The following SPIDR variants were observed in gnomAD, a reference collection of about 807,000 sequenced individuals.
SPIDR encodes the protein DNA repair-scaffolding protein.
In SPIDR, 93 loss-of-function variants were observed where a neutral mutation model predicts 104.6. That is an observed-to-expected ratio of 0.89 (90% CI 0.75 to 1.06). The LOEUF is 1.06. SPIDR is among the 50% of genes least tolerant of loss of function. The pLI, the probability that SPIDR is intolerant of heterozygous loss-of-function variation, is 0.00. For synonymous variants in SPIDR, 431 were observed against 416.9 expected, an observed-to-expected ratio of 1.03 and a Z score of -0.41; for missense variants, 1,154 against 1,111.2, an observed-to-expected ratio of 1.04 and a Z score of -0.55.
At chr8:47,512,042 G>A (rs1206005518) in intron 8 of SPIDR, 2 of 699,628 alleles carry the variant, frequency 2.9e-6, no homozygotes, top group East Asian at 5.4e-5. Flanking sequence ...AGCGCAATCT[G>A]CAAGTCCCAG....
chr8:47,313,537 C>T (rs201953964), intron 5 of SPIDR, among the ~76,000 whole-genome samples: 17 of 152,240 alleles, frequency 1.1e-4, no homozygotes, highest in East Asian at 5.8e-4. Context: ...ACCAATGACT[C>T]TCTTCACAGA....
At chr8:47,511,829 T>C (rs1262353672) in intron 8 of SPIDR, 2 of 909,658 alleles carry the variant, frequency 2.2e-6, no homozygotes, top group Non-Finnish European at 3.7e-6. Flanking sequence ...GGGCCAACAA[T>C]CTGCTGTCCA....
chr8:47,689,677 C>G (rs2078346788), intron 11 of SPIDR, among the ~76,000 whole-genome samples: 1 of 152,130 alleles, frequency 6.6e-6, no homozygotes, highest in Admixed American at 6.5e-5. Flanking sequence ...AGAACAGAGT[C>G]CACACCAGAT....
intron 8 of SPIDR, among the ~76,000 whole-genome samples, chr8:47,590,366 T>C (rs370797679): frequency 6.6e-6 from 1 of 152,152 alleles, no homozygotes; most frequent in East Asian, 1.9e-4. Flanking sequence ...ATAGGTTAAA[T>C]TTGTATTTTC....
At chr8:47,638,523 G>A (rs141010641) in intron 10 of SPIDR, among the ~76,000 whole-genome samples, 24 of 152,276 alleles carry the variant, frequency 1.6e-4, no homozygotes, top group Middle Eastern at 6.8e-3. Context: ...ATGAATGCTC[G>A]GTTGTGGAAT....
chr8:47,494,162 A>C (rs2079111174), intron 8 of SPIDR, among the ~76,000 whole-genome samples: 1 of 149,830 alleles, frequency 6.7e-6, no homozygotes, highest in Admixed American at 6.6e-5. Context: ...CTAGTTTTTA[A>C]ATTTTTCATG....
intron 10 of SPIDR, among the ~76,000 whole-genome samples, chr8:47,649,843 T>TA (rs1219782821): frequency 6.6e-6 from 1 of 151,892 alleles, no homozygotes; most frequent in Non-Finnish European, 1.5e-5. Flanking sequence ...ATTAACAAAA[T>TA]AAAAAAACAA....
At chr8:47,350,335 A>G (rs1554621558) in intron 5 of SPIDR, among the ~76,000 whole-genome samples, 1 of 152,182 alleles carries the variant, frequency 6.6e-6, no homozygotes, top group Non-Finnish European at 1.5e-5. Flanking sequence ...TAAATAAAAG[A>G]TAGAGTCTCG....
At chr8:47,433,584 A>G (rs2154340443) in intron 7 of SPIDR, among the ~76,000 whole-genome samples, 1 of 152,344 alleles carries the variant, frequency 6.6e-6, no homozygotes, top group South Asian at 2.1e-4. Context: ...GGGCCGCCAG[A>G]ATGATAGTCC....
chr8:47,455,473 GTAAGGCATAAGAAAAAAGTGTA>G (rs1196704744), intron 8 of SPIDR, among the ~76,000 whole-genome samples: 20 of 151,982 alleles, frequency 1.3e-4, no homozygotes, highest in Non-Finnish European at 2.9e-4. Flanking sequence ...CAAAAAGTAT[GTAAGGCATAAGAAAAAAGTGTA>G]TAAGGCATAA....
At chr8:47,315,254 T>C (rs587594759) in intron 5 of SPIDR, among the ~76,000 whole-genome samples, 58 of 152,208 alleles carry the variant, frequency 3.8e-4, no homozygotes, top group African/African-American at 1.3e-3. Context: ...GCAACTAAAA[T>C]AGAGTGTACA....
At chr8:47,605,258 A>T (rs926655092) in intron 10 of SPIDR, among the ~76,000 whole-genome samples, 3 of 152,124 alleles carry the variant, frequency 2.0e-5, no homozygotes, top group African/African-American at 7.2e-5. Context: ...GTGGGAGGGG[A>T]CCCATAGTAC....
intron 7 of SPIDR, among the ~76,000 whole-genome samples, chr8:47,414,176 T>C (rs1273370163): frequency 6.6e-6 from 1 of 152,176 alleles, no homozygotes; most frequent in South Asian, 2.1e-4. Flanking sequence ...GCAGATTGTC[T>C]TCTTAATTAT....
At chr8:47,381,956 A>G (rs1554645659) in intron 5 of SPIDR, among the ~76,000 whole-genome samples, 1 of 152,234 alleles carries the variant, frequency 6.6e-6, no homozygotes, top group Non-Finnish European at 1.5e-5. Context: ...TTTAGCTACA[A>G]AGGTGTAATT....
At chr8:47,570,673 A>G (rs1231005784) in intron 8 of SPIDR, among the ~76,000 whole-genome samples, 1 of 152,254 alleles carries the variant, frequency 6.6e-6, no homozygotes, top group East Asian at 1.9e-4. Context: ...TAAGAGAGTT[A>G]CATAGAGAAT....
At chr8:47,600,326 C>G (rs1294883559) in intron 10 of SPIDR, among the ~76,000 whole-genome samples, 1 of 152,026 alleles carries the variant, frequency 6.6e-6, no homozygotes, top group African/African-American at 2.4e-5. Context: ...CCAGCCTGGG[C>G]AAAGCAAGAG....
intron 8 of SPIDR, among the ~76,000 whole-genome samples, chr8:47,461,149 A>G (rs1367641561): frequency 6.6e-6 from 1 of 152,224 alleles, no homozygotes; most frequent in Non-Finnish European, 1.5e-5. Context: ...ATCTTTTGTG[A>G]TGAATTTCCC....
At chr8:47,411,183 G>A (rs1588352422) in intron 7 of SPIDR, among the ~76,000 whole-genome samples, 1 of 152,200 alleles carries the variant, frequency 6.6e-6, no homozygotes, top group Non-Finnish European at 1.5e-5. Flanking sequence ...CCAGTAATGG[G>A]ATGGCTGGGT....
At chr8:47,494,397 C>A (rs1417792990) in intron 8 of SPIDR, among the ~76,000 whole-genome samples, 1 of 151,936 alleles carries the variant, frequency 6.6e-6, no homozygotes, top group Non-Finnish European at 1.5e-5. Flanking sequence ...CTCAGACAAT[C>A]CTCCCACCTC....
Sources: allele counts gnomAD v4.1 joint callset (sites outside exome capture counted in the v4.1 genomes callset), GRCh38; gene constraint gnomAD v4.1.1; transcripts MANE v1.5; gene names NCBI Gene and HGNC (gene_info 2026-07-23, HGNC 2026-07-21).